CSMD1: variants seen among roughly 807,000 people sequenced by gnomAD.
CSMD1 encodes CUB and Sushi multiple domains 1, also known as CUB and sushi domain-containing protein 1.
CSMD1 carries 213 observed loss-of-function variants against 417.5 expected under a neutral mutation model. The ratio of observed to expected loss-of-function variants is 0.51; its 90% CI spans 0.46 to 0.57. The LOEUF is 0.57. Among genes scored for constraint, CSMD1 ranks in the 20% least tolerant of loss-of-function variants. The probability of loss-of-function intolerance (pLI) is 0.00; values close to 1 mark genes in which losing one functional copy is unlikely to be tolerated. For missense variants in CSMD1, 6,923 were observed against 4,529.7 expected, an observed-to-expected ratio of 1.53 and a Z score of -15.17; for synonymous variants, 2,862 against 1,736.8, an observed-to-expected ratio of 1.65 and a Z score of -16.11.
intron 5 of CSMD1, among the ~76,000 whole-genome samples, chr8:3,977,018 C>T (rs573418595): frequency 6.6e-6 from 1 of 152,136 alleles, no homozygotes; most frequent in East Asian, 1.9e-4. Context: ...AAGGTGCCTG[C>T]AGGGAATGGG....
chr8:4,646,826 G>A (rs1006771500), intron 1 of CSMD1, among the ~76,000 whole-genome samples: 2 of 152,168 alleles, frequency 1.3e-5, no homozygotes, highest in African/African-American at 4.8e-5. Context: ...CAGTAAAGAA[G>A]AATATAATGA....
At chr8:2,998,506 G>A (rs561639946) in intron 53 of CSMD1, among the ~76,000 whole-genome samples, 1 of 152,298 alleles carries the variant, frequency 6.6e-6, no homozygotes, top group South Asian at 2.1e-4. Context: ...TGAAAAACAA[G>A]AGATGCTAAA....
chr8:3,339,091 T>G lies in CSMD1; in HGVS notation c.3631+4203A>C, dbSNP rs1375084797. On this transcript the variant is annotated intron_variant, in intron 23 of 69. Coordinates refer to ENST00000635120, the MANE Select transcript of CSMD1 (RefSeq NM_033225.6). ...ATGAGTGAGAATATGCGGTGTTTGGTTGTTTGTTCTTGCGATAGTTTACTG... is the reference window on the plus strand; with the variant it reads ...ATGAGTGAGAATATGCGGTGTTTGGGTGTTTGTTCTTGCGATAGTTTACTG... Among the ~76,000 whole-genome samples the G allele has an allele frequency of 2.0e-5, 3 of 150,296 alleles. No homozygotes were observed. The East Asian group carries it at 6.0e-4, about 30-fold the overall frequency.
chr8:4,204,226 C>T (rs535023334), intron 3 of CSMD1, among the ~76,000 whole-genome samples: 1 of 151,708 alleles, frequency 6.6e-6, no homozygotes, highest in African/African-American at 2.4e-5. Flanking sequence ...CACACCAGAA[C>T]ATCCTCTTTT....
In CSMD1 at chr8:4,317,061, G is replaced by C. The variant is rs140445255; in HGVS notation, c.415+102892C>G. Among the ~76,000 whole-genome samples, 45 of 152,252 alleles carry C rather than the reference G, an allele frequency of 3.0e-4. 1 individual carries two copies. The East Asian group carries it at 7.7e-3, about 26-fold the overall frequency. ...ACGGCACTGAAAACATACAAGCCCTGTGGAATTAATCAGCTACTAGTGTTT... is the reference window on the plus strand; with the variant it reads ...ACGGCACTGAAAACATACAAGCCCTCTGGAATTAATCAGCTACTAGTGTTT... On this transcript the variant is annotated intron_variant, in intron 3 of 69. Transcript: ENST00000635120.
At chr8:4,067,903 C>A (rs1010226180) in intron 3 of CSMD1, among the ~76,000 whole-genome samples, 6 of 151,944 alleles carry the variant, frequency 3.9e-5, no homozygotes, top group Admixed American at 3.9e-4. Flanking sequence ...ATGATGAAAC[C>A]CCAACTCTAC....
At chr8:3,785,742 A>G (rs567308345) in intron 5 of CSMD1, among the ~76,000 whole-genome samples, 1 of 152,140 alleles carries the variant, frequency 6.6e-6, no homozygotes, top group Non-Finnish European at 1.5e-5. Context: ...GCGGGGAGCC[A>G]GGAGCTAGGA....
At chr8:4,903,600 T>C (rs1165544911) in intron 1 of CSMD1, among the ~76,000 whole-genome samples, 1 of 152,250 alleles carries the variant, frequency 6.6e-6, no homozygotes, top group African/African-American at 2.4e-5. Context: ...GTCAACTTGT[T>C]ACATGATAAA....
At chr8:2,971,394 T>C (rs1201826688) in intron 57 of CSMD1, among the ~76,000 whole-genome samples, 1 of 152,178 alleles carries the variant, frequency 6.6e-6, no homozygotes, top group Non-Finnish European at 1.5e-5. Flanking sequence ...TTTTCTGAAC[T>C]TGACGTTTCT....
At chr8:3,301,541 C>A (rs1442399) in intron 25 of CSMD1, among the ~76,000 whole-genome samples, 2 of 151,940 alleles carry the variant, frequency 1.3e-5, no homozygotes, top group African/African-American at 4.8e-5. Context: ...TTGCTGAGCC[C>A]TAAGAGATGG....
At chr8:4,135,575 G>T (rs991496712) in intron 3 of CSMD1, among the ~76,000 whole-genome samples, 1 of 152,012 alleles carries the variant, frequency 6.6e-6, no homozygotes, top group East Asian at 1.9e-4. Flanking sequence ...GAAGAAATGA[G>T]TTTTGATTCT....
At chr8:4,680,507 G>A (rs965731830) in intron 1 of CSMD1, among the ~76,000 whole-genome samples, 18 of 152,122 alleles carry the variant, frequency 1.2e-4, no homozygotes, top group African/African-American at 4.1e-4. Context: ...TTATAGAGAG[G>A]GAGGAAGGAG....
chr8:4,118,550 C>T (rs1324603863), intron 3 of CSMD1, among the ~76,000 whole-genome samples: 1 of 152,182 alleles, frequency 6.6e-6, no homozygotes, highest in East Asian at 1.9e-4. Flanking sequence ...GATACCATCT[C>T]ACGCCAGTAA....
chr8:4,990,482 G>C (rs999569431), intron 1 of CSMD1, among the ~76,000 whole-genome samples: 4 of 152,042 alleles, frequency 2.6e-5, no homozygotes, highest in Non-Finnish European at 5.9e-5. Context: ...TCCTGCCTCA[G>C]CCTCCTGAAT....
intron 1 of CSMD1, among the ~76,000 whole-genome samples, chr8:4,953,204 CTT>C (rs1399859699): frequency 3.9e-5 from 6 of 152,082 alleles, no homozygotes; most frequent in Non-Finnish European, 5.9e-5. Context: ...GGAGGAAAAT[CTT>C]TTATTTCCTA....
At chr8:4,044,844 A>C (rs185136615) in intron 3 of CSMD1, among the ~76,000 whole-genome samples, 1 of 152,224 alleles carries the variant, frequency 6.6e-6, no homozygotes, top group African/African-American at 2.4e-5. Context: ...CCAGGCTTGT[A>C]CCATGCTGGG....
chr8:3,390,412 G>C (rs1318199106), intron 17 of CSMD1, among the ~76,000 whole-genome samples: 1 of 146,968 alleles, frequency 6.8e-6, no homozygotes, highest in Non-Finnish European at 1.5e-5. Flanking sequence ...ATCTCCAATG[G>C]AACAATACAT....
Position 4,296,696 on chromosome 8 carries a change from G to GTTT in CSMD1, c.415+123254_415+123256dup, listed in dbSNP as rs371696159. Among the ~76,000 whole-genome samples, 171 of 114,852 alleles carry GTTT rather than the reference G, an allele frequency of 1.5e-3. 2 individuals carry two copies. The highest frequency in any genetic ancestry group is 3.1e-3 in the South Asian group (10 of 3,230). 75.3% of individuals were successfully genotyped at this position (114,852 alleles called of 152,430 possible). ...GGTCCCTGAAAACACGAAAATAAGG[G>GTTT]TTTTTTTTTTTTTTTTTTTCTCCAG... On this transcript the variant is annotated intron_variant, in intron 3 of 69. Transcript: ENST00000635120.
At chr8:4,454,480 G>C (rs1465668997) in intron 2 of CSMD1, among the ~76,000 whole-genome samples, 4 of 152,060 alleles carry the variant, frequency 2.6e-5, no homozygotes, top group Non-Finnish European at 5.9e-5. Flanking sequence ...CAAGTATTTT[G>C]TTCCCCTAGT....
Sources: allele counts gnomAD v4.1 joint callset (sites outside exome capture counted in the v4.1 genomes callset), GRCh38; gene constraint gnomAD v4.1.1; transcripts MANE v1.5; gene names NCBI Gene and HGNC (gene_info 2026-07-23, HGNC 2026-07-21).